SLC9A9: variants seen among roughly 807,000 people sequenced by gnomAD.
SLC9A9 encodes the protein solute carrier family 9 member A9, also known as sodium/hydrogen exchanger 9.
A neutral mutation model predicts 77.8 loss-of-function variants in SLC9A9; 62 were observed. The ratio of observed to expected loss-of-function variants is 0.80; its 90% CI spans 0.65 to 0.98. SLC9A9 has a LOEUF of 0.98. SLC9A9 is among the 50% of genes least tolerant of loss of function. The pLI is 0.00. For synonymous variants in SLC9A9, 320 were observed against 283.5 expected, an observed-to-expected ratio of 1.13 and a Z score of -1.29; for missense variants, 775 against 774.9, an observed-to-expected ratio of 1.00 and a Z score of 0.00.
In SLC9A9 at chr3:143,586,933, A is replaced by G. The variant is rs556054403; in HGVS notation, c.756-8210T>C. Among the ~76,000 whole-genome samples, 3 of 152,350 alleles carry G rather than the reference A, an allele frequency of 2.0e-5. No individual in the cohort carries two copies. The East Asian group carries it at 5.8e-4, about 29-fold the overall frequency. ...AAGAGCCAAAGACCCTGCAGAGTCA[A>G]GAGCTGTGTTTGAGGGGAAACATCA... On this transcript the variant is annotated intron_variant, in intron 6 of 15. Coordinates refer to ENST00000316549, the MANE Select transcript of SLC9A9 (RefSeq NM_173653.4).
At chr3:143,358,132 C>A (rs545596170) in intron 14 of SLC9A9, among the ~76,000 whole-genome samples, 1 of 151,842 alleles carries the variant, frequency 6.6e-6, no homozygotes, top group Non-Finnish European at 1.5e-5. Context: ...GTTTACATTT[C>A]CTGAAGTGGA....
chr3:143,420,647 G>A (rs1181664127), intron 12 of SLC9A9, among the ~76,000 whole-genome samples: 2 of 152,132 alleles, frequency 1.3e-5, no homozygotes, highest in Non-Finnish European at 2.9e-5. Flanking sequence ...AGAAAGGTGA[G>A]GGAAATCATT....
At chr3:143,464,992 T>A (rs2035259535) in intron 12 of SLC9A9, among the ~76,000 whole-genome samples, 1 of 152,214 alleles carries the variant, frequency 6.6e-6, no homozygotes, top group Non-Finnish European at 1.5e-5. Flanking sequence ...AGTTCCCAGC[T>A]GAGATCATCA....
At chr3:143,804,008 C>A (rs142690244) in intron 2 of SLC9A9, among the ~76,000 whole-genome samples, 26 of 152,256 alleles carry the variant, frequency 1.7e-4, no homozygotes, top group Admixed American at 1.5e-3. Flanking sequence ...TCTACTCCCC[C>A]CTTATGTGGA....
chr3:143,625,563 T>G (rs1026063117), intron 6 of SLC9A9, among the ~76,000 whole-genome samples: 24 of 152,320 alleles, frequency 1.6e-4, no homozygotes, highest in Middle Eastern at 3.4e-3. Context: ...GCTAGCCATA[T>G]GTAGAAAGCT....
chr3:143,706,443 C>G (rs956805224), intron 4 of SLC9A9, among the ~76,000 whole-genome samples: 1 of 150,312 alleles, frequency 6.7e-6, no homozygotes, highest in African/African-American at 2.5e-5. Flanking sequence ...CCATTTGGCC[C>G]ACTCTACTTA....
chr3:143,761,317 G>T (rs1036649471), intron 4 of SLC9A9, among the ~76,000 whole-genome samples: 1 of 152,126 alleles, frequency 6.6e-6, no homozygotes, highest in Non-Finnish European at 1.5e-5. Context: ...AAAAGCCATG[G>T]CAACAAAAGC....
At chr3:143,348,757 T>C (rs968394111) in intron 14 of SLC9A9, among the ~76,000 whole-genome samples, 1 of 152,186 alleles carries the variant, frequency 6.6e-6, no homozygotes, top group South Asian at 2.1e-4. Flanking sequence ...GAATACCATA[T>C]GAGAATCATG....
intron 11 of SLC9A9, among the ~76,000 whole-genome samples, chr3:143,489,530 T>A (rs2035705228): frequency 1.3e-5 from 2 of 151,610 alleles, no homozygotes; most frequent in Non-Finnish European, 2.9e-5. Flanking sequence ...AAAAATTAAC[T>A]CAAATGGATA....
rs540398019 is a variant in SLC9A9, at chr3:143,444,294, C to T, written c.1469+22743G>A. 4.6e-5 allele frequency among the ~76,000 whole-genome samples: 7 copies of T among 152,318 alleles called. No homozygotes were observed. The East Asian group carries it at 1.3e-3, about 29-fold the overall frequency. ...AAATGTGAGGCCAGCCAATTGTAAACTAAGATTCTAGCCTCCTATATTCTC... is the reference window on the plus strand; with the variant it reads ...AAATGTGAGGCCAGCCAATTGTAAATTAAGATTCTAGCCTCCTATATTCTC... On this transcript the variant is annotated intron_variant, in intron 12 of 15. Transcript: ENST00000316549.
rs1344479269 is a variant in SLC9A9 at position 143,578,578 on chromosome 3, A to G, written c.894+7T>C. The G allele has an allele frequency of 6.2e-7, 1 of 1,613,846 alleles. No individual in the cohort carries two copies. Among genetic ancestry groups the G allele is most frequent in the East Asian group, 2.2e-5 (1 of 44,870 alleles). ...GTCCCAGCTTTCCACATACAGACAA[A>G]GGATATCAGTGCTGTGATGATGGCA... On this transcript the variant is annotated splice_region_variant and intron_variant, in intron 7 of 15. Transcript: ENST00000316549.
chr3:143,476,013 A>G (rs1463897861), intron 11 of SLC9A9, among the ~76,000 whole-genome samples: 1 of 151,682 alleles, frequency 6.6e-6, no homozygotes, highest in East Asian at 1.9e-4. Context: ...AAGATTTAAT[A>G]CAGTCTTATT....
At chr3:143,557,849 G>A (rs1166825142) in intron 8 of SLC9A9, among the ~76,000 whole-genome samples, 1 of 152,178 alleles carries the variant, frequency 6.6e-6, no homozygotes, top group Non-Finnish European at 1.5e-5. Flanking sequence ...GCCTGACAAT[G>A]CAATAGAAAA....
intron 6 of SLC9A9, chr3:143,627,241 A>T (rs1009813675): frequency 6.4e-6 from 1 of 155,472 alleles, no homozygotes; most frequent in African/African-American, 2.4e-5. Flanking sequence ...TGTTTTTGAG[A>T]GAAGTTATTG....
At chr3:143,639,715 C>T (rs1465053779) in intron 6 of SLC9A9, among the ~76,000 whole-genome samples, 1 of 152,140 alleles carries the variant, frequency 6.6e-6, no homozygotes, top group Non-Finnish European at 1.5e-5. Context: ...GGATAAACAA[C>T]AGCTTTTGTG....
chr3:143,568,129 C>A (rs1051829232), intron 8 of SLC9A9, among the ~76,000 whole-genome samples: 1 of 152,138 alleles, frequency 6.6e-6, no homozygotes, highest in African/African-American at 2.4e-5. Flanking sequence ...GGCATCATGG[C>A]TGCTCCAGGG....
At chr3:143,434,253 G>A (rs372743820) in intron 12 of SLC9A9, among the ~76,000 whole-genome samples, 1 of 152,220 alleles carries the variant, frequency 6.6e-6, no homozygotes, top group South Asian at 2.1e-4. Context: ...AAAATCATTC[G>A]ATGACAGAAA....
At chr3:143,652,000 C>T (rs944367064) in intron 6 of SLC9A9, among the ~76,000 whole-genome samples, 3 of 151,970 alleles carry the variant, frequency 2.0e-5, no homozygotes, top group African/African-American at 4.8e-5. Flanking sequence ...CTAAGTGAAT[C>T]AGCTAAATAT....
intron 13 of SLC9A9, among the ~76,000 whole-genome samples, chr3:143,370,601 A>ACACC (rs1436891895): frequency 1.9e-4 from 29 of 150,770 alleles, no homozygotes; most frequent in African/African-American, 5.6e-4. Flanking sequence ...ACACACACAC[A>ACACC]CCCTAACAAA....
Sources: allele counts gnomAD v4.1 joint callset (sites outside exome capture counted in the v4.1 genomes callset), GRCh38; gene constraint gnomAD v4.1.1; transcripts MANE v1.5; gene names NCBI Gene and HGNC (gene_info 2026-07-23, HGNC 2026-07-21).